The following SULF1 variants were observed in gnomAD, a reference collection of about 807,000 sequenced individuals.
SULF1 encodes sulfatase 1, also known as extracellular sulfatase Sulf-1.
A neutral mutation model predicts 110.5 loss-of-function variants in SULF1; 46 were observed. The observed-to-expected ratio is 0.42, with a 90% CI of 0.33 to 0.53. The LOEUF (loss-of-function observed/expected upper bound fraction) is 0.53, where lower values mean the gene tolerates loss of function less well. Ranked by LOEUF, SULF1 falls within the 20% of genes least tolerant of loss-of-function variation. The pLI, the probability that SULF1 is intolerant of heterozygous loss-of-function variation, is 0.12. For synonymous variants in SULF1, 371 were observed against 387.1 expected, an observed-to-expected ratio of 0.96 and a Z score of 0.49; for missense variants, 941 against 1,094.2, an observed-to-expected ratio of 0.86 and a Z score of 1.98.
chr8:69,551,725 A>T (rs1465262448), intron 3 of SULF1, among the ~76,000 whole-genome samples: 1 of 152,196 alleles, frequency 6.6e-6, no homozygotes, highest in Non-Finnish European at 1.5e-5. Flanking sequence ...TCCTTTCGTT[A>T]GTGCTAGTGG....
At chr8:69,543,268 G>A (rs1813987724) in intron 3 of SULF1, among the ~76,000 whole-genome samples, 2 of 152,054 alleles carry the variant, frequency 1.3e-5, no homozygotes, top group Non-Finnish European at 2.9e-5. Flanking sequence ...ATGCAGGTTT[G>A]TTACATAGGT....
intron 3 of SULF1, among the ~76,000 whole-genome samples, chr8:69,502,172 T>G (rs1171811890): frequency 6.6e-6 from 1 of 152,156 alleles, no homozygotes; most frequent in Non-Finnish European, 1.5e-5. Flanking sequence ...TAGAGCCATG[T>G]CACGAAATCA....
intron 3 of SULF1, among the ~76,000 whole-genome samples, chr8:69,542,099 C>T (rs894840083): frequency 2.0e-5 from 3 of 152,136 alleles, no homozygotes; most frequent in Non-Finnish European, 1.5e-5. Flanking sequence ...GGCATGTCCC[C>T]TAACACCTTC....
chr8:69,548,448 CTTTTT>C (rs11420223), intron 3 of SULF1, among the ~76,000 whole-genome samples: 2 of 138,724 alleles, frequency 1.4e-5, no homozygotes, highest in African/African-American at 2.6e-5. Flanking sequence ...TGGATGTTAA[CTTTTT>C]TTTTTTTTTT....
At chr8:69,633,328 CTT>C (rs200590898) in intron 19 of SULF1, among the ~76,000 whole-genome samples, 36 of 134,058 alleles carry the variant, frequency 2.7e-4, no homozygotes, top group African/African-American at 4.4e-4. Flanking sequence ...TCAGGACATT[CTT>C]TTTTTTTTTT....
intron 22 of SULF1, 199 bp downstream of exon 22, chr8:69,641,040 A>G: frequency 4.4e-6 from 2 of 453,616 alleles, no homozygotes; most frequent in Non-Finnish European, 3.9e-6. Flanking sequence ...TCACTGTCCC[A>G]TCAAGATGTT....
intron 13 of SULF1, among the ~76,000 whole-genome samples, chr8:69,607,867 A>G (rs1201843016): frequency 6.6e-6 from 1 of 152,148 alleles, no homozygotes; most frequent in East Asian, 1.9e-4. Flanking sequence ...CTCTCTCTCG[A>G]TGTCCCTCCT....
intron 3 of SULF1, 76 bp downstream of exon 3, chr8:69,502,044 T>C (rs985430532): frequency 2.0e-5 from 3 of 152,188 alleles, no homozygotes; most frequent in Admixed American, 2.0e-4. Context: ...GAGGGGAACA[T>C]TTCACGGTTG....
intron 13 of SULF1, among the ~76,000 whole-genome samples, chr8:69,616,625 C>T (rs1484498585): frequency 1.3e-5 from 2 of 151,698 alleles, no homozygotes; most frequent in Non-Finnish European, 2.9e-5. Context: ...TGGTCTTGAA[C>T]TCCTGTCCTC....
Position 69,500,794 on chromosome 8 carries a change from T to C in SULF1, c.-228-1080T>C, listed in dbSNP as rs75306815. Among the ~76,000 whole-genome samples, 1,061 of 152,192 alleles carry C rather than the reference T, an allele frequency of 7.0e-3. 6 individuals are homozygous for C. The highest frequency in any genetic ancestry group is 0.023 in the African/African-American group (956 of 41,526). On this transcript the variant is annotated intron_variant, in intron 2 of 22. Transcript: ENST00000402687. ...CACATTGCAGAGGGTGGCATAAAAC[T>C]AGCGGCGGCGGAGTTTCACTGCTGT...
At chr8:69,656,613 G>C (rs1212672934) in intron 22 of SULF1, among the ~76,000 whole-genome samples, 1 of 152,120 alleles carries the variant, frequency 6.6e-6, no homozygotes, top group Non-Finnish European at 1.5e-5. Context: ...GAAGATAATG[G>C]CTTCCAGCTT....
chr8:69,630,270 A>G (rs1810415181), intron 19 of SULF1, among the ~76,000 whole-genome samples: 1 of 152,222 alleles, frequency 6.6e-6, no homozygotes, highest in Admixed American at 6.5e-5. Context: ...TATTTTCTTT[A>G]GTGGCCTGTG....
chr8:69,512,530 T>C (rs1563483932), intron 3 of SULF1, among the ~76,000 whole-genome samples: 1 of 152,192 alleles, frequency 6.6e-6, no homozygotes, highest in Non-Finnish European at 1.5e-5. Context: ...GCATGTTCTT[T>C]TGGGTCCCAG....
chr8:69,582,735 A>T (rs1007052588), intron 6 of SULF1, among the ~76,000 whole-genome samples: 1 of 150,310 alleles, frequency 6.7e-6, no homozygotes, highest in African/African-American at 2.4e-5. Context: ...ACCCGTAGGG[A>T]TGAGGAGGAG....
chr8:69,513,451 C>T (rs1017702810), intron 3 of SULF1, among the ~76,000 whole-genome samples: 2 of 152,100 alleles, frequency 1.3e-5, no homozygotes, highest in Non-Finnish European at 2.9e-5. Flanking sequence ...ATGAATAATC[C>T]CCAAAGCTCT....
chr8:69,587,758 C>T (rs1433060735), intron 7 of SULF1, among the ~76,000 whole-genome samples: 1 of 152,248 alleles, frequency 6.6e-6, no homozygotes, highest in Non-Finnish European at 1.5e-5. Context: ...AGTTATTAAC[C>T]TTTCTTTCCC....
At chr8:69,651,124 G>T (rs973343404) in intron 22 of SULF1, among the ~76,000 whole-genome samples, 2 of 148,194 alleles carry the variant, frequency 1.3e-5, no homozygotes, top group African/African-American at 5.1e-5. Flanking sequence ...CATGATCTTG[G>T]CTCACTGTAA....
intron 8 of SULF1, among the ~76,000 whole-genome samples, chr8:69,598,150 A>ATT (rs762636597): frequency 1.7e-4 from 25 of 151,198 alleles, no homozygotes; most frequent in Non-Finnish European, 3.4e-4. Flanking sequence ...TTAACGAACC[A>ATT]TTTTCTTTGG....
chr8:69,577,805 A>G (rs990038426), intron 6 of SULF1, among the ~76,000 whole-genome samples: 4 of 152,182 alleles, frequency 2.6e-5, no homozygotes, highest in African/African-American at 9.7e-5. Flanking sequence ...CTAATTGTCT[A>G]TGGTCATGAG....
Sources: allele counts gnomAD v4.1 joint callset (sites outside exome capture counted in the v4.1 genomes callset), GRCh38; gene constraint gnomAD v4.1.1; transcripts MANE v1.5; gene names NCBI Gene and HGNC (gene_info 2026-07-23, HGNC 2026-07-21).